The following ROBO2 variants were observed in gnomAD, a reference collection of about 807,000 sequenced individuals.
ROBO2 encodes the protein roundabout guidance receptor 2, also known as roundabout homolog 2.
ROBO2 carries 53 observed loss-of-function variants against 160.8 expected under a neutral mutation model. The observed-to-expected ratio is 0.33, with a 90% CI of 0.26 to 0.41. The LOEUF is 0.41. Among genes scored for constraint, ROBO2 ranks in the 10% least tolerant of loss-of-function variants. ROBO2 has a pLI of 1.00. For synonymous variants in ROBO2, 664 were observed against 611.7 expected, an observed-to-expected ratio of 1.09 and a Z score of -1.26; for missense variants, 1,577 against 1,722.4, an observed-to-expected ratio of 0.92 and a Z score of 1.49.
intron 2 of ROBO2, among the ~76,000 whole-genome samples, chr3:76,940,148 AT>A: frequency 6.6e-6 from 1 of 151,510 alleles, no homozygotes; most frequent in Admixed American, 6.6e-5. Context: ...CGCCCGGGTA[AT>A]TTTTTTGTAT....
chr3:76,414,772 A>C (rs985466380), intron 2 of ROBO2, among the ~76,000 whole-genome samples: 5 of 152,066 alleles, frequency 3.3e-5, no homozygotes, highest in African/African-American at 1.2e-4. Flanking sequence ...ATAATTTAAA[A>C]AAAAAAAGAA....
intron 2 of ROBO2, among the ~76,000 whole-genome samples, chr3:76,668,225 G>A (rs1291865149): frequency 6.6e-6 from 1 of 151,618 alleles, no homozygotes; most frequent in Admixed American, 6.6e-5. Context: ...TCAGCTTCTG[G>A]AGTAGCTGGG....
chr3:76,225,520 G>A (rs578099516), intron 2 of ROBO2, among the ~76,000 whole-genome samples: 34 of 152,230 alleles, frequency 2.2e-4, no homozygotes, highest in African/African-American at 6.5e-4. Flanking sequence ...TTCAAGACTA[G>A]TCTGGGCAAC....
At chr3:76,232,764 T>A (rs1704697185) in intron 2 of ROBO2, among the ~76,000 whole-genome samples, 1 of 152,182 alleles carries the variant, frequency 6.6e-6, no homozygotes. Context: ...TTCCTGTAAA[T>A]CCTACAAATT....
intron 2 of ROBO2, among the ~76,000 whole-genome samples, chr3:76,750,390 A>T (rs1433885579): frequency 6.6e-6 from 1 of 152,110 alleles, no homozygotes; most frequent in Non-Finnish European, 1.5e-5. Flanking sequence ...CTGGCACAAG[A>T]CAGGGATGCC....
intron 2 of ROBO2, among the ~76,000 whole-genome samples, chr3:77,252,831 A>AAAAAAAAAAAAAAAT: frequency 2.4e-4 from 3 of 12,518 alleles, no homozygotes; most frequent in African/African-American, 4.7e-4. Flanking sequence ...AAAAAAAAAA[A>AAAAAAAAAAAAAAAT]ATATATATAT....
intron 2 of ROBO2, among the ~76,000 whole-genome samples, chr3:76,840,991 G>A (rs2148468029): frequency 6.6e-6 from 1 of 152,174 alleles, no homozygotes; most frequent in Non-Finnish European, 1.5e-5. Context: ...GTGGTTAGAA[G>A]AAGGATCTGA....
At chr3:76,234,129 A>T (rs1171023176) in intron 2 of ROBO2, among the ~76,000 whole-genome samples, 1 of 152,162 alleles carries the variant, frequency 6.6e-6, no homozygotes, top group Admixed American at 6.5e-5. Flanking sequence ...AGCTCCATCT[A>T]TGTTGCTGCA....
intron 2 of ROBO2, among the ~76,000 whole-genome samples, chr3:76,599,796 A>T (rs1461209519): frequency 6.6e-6 from 1 of 152,086 alleles, no homozygotes; most frequent in Non-Finnish European, 1.5e-5. Context: ...TTCTCTAGTG[A>T]TCAGTGATGT....
chr3:77,016,294 G>A (rs567424336), intron 2 of ROBO2, among the ~76,000 whole-genome samples: 94 of 152,150 alleles, frequency 6.2e-4, no homozygotes, highest in Non-Finnish European at 9.9e-4. Flanking sequence ...TATTTTGTAC[G>A]ACTGAGTTTC....
At chr3:76,117,365 A>G (rs902628223) in intron 2 of ROBO2, among the ~76,000 whole-genome samples, 5 of 152,222 alleles carry the variant, frequency 3.3e-5, no homozygotes, top group African/African-American at 1.2e-4. Flanking sequence ...ACCTTAATCT[A>G]TTTGAGAATA....
At chr3:76,348,702 C>T (rs1239336591) in intron 2 of ROBO2, among the ~76,000 whole-genome samples, 1 of 152,086 alleles carries the variant, frequency 6.6e-6, no homozygotes, top group Non-Finnish European at 1.5e-5. Flanking sequence ...TTCTCCATCT[C>T]CCCTTCCTCC....
chr3:76,340,252 T>A (rs2074142831), intron 2 of ROBO2, among the ~76,000 whole-genome samples: 1 of 152,138 alleles, frequency 6.6e-6, no homozygotes, highest in Non-Finnish European at 1.5e-5. Flanking sequence ...ACAAAAAAAT[T>A]CATGCTGGCA....
chr3:76,816,042 T>C (rs1181383162), intron 2 of ROBO2, among the ~76,000 whole-genome samples: 2 of 152,148 alleles, frequency 1.3e-5, no homozygotes, highest in Non-Finnish European at 2.9e-5. Flanking sequence ...AAGACGGTTT[T>C]TTCTTAGAAA....
At chr3:77,387,179 C>A (rs2074215278) in intron 2 of ROBO2, among the ~76,000 whole-genome samples, 2 of 151,560 alleles carry the variant, frequency 1.3e-5, no homozygotes, top group South Asian at 2.1e-4. Flanking sequence ...CTGGGACTAT[C>A]ATGCCCCTGG....
At chr3:76,196,869 C>G (rs1702285088) in intron 2 of ROBO2, among the ~76,000 whole-genome samples, 1 of 152,116 alleles carries the variant, frequency 6.6e-6, no homozygotes, top group Non-Finnish European at 1.5e-5. Context: ...ACTATAAATG[C>G]TCACTAGGTA....
At chr3:77,308,472 A>G (rs1421689923) in intron 2 of ROBO2, among the ~76,000 whole-genome samples, 7 of 152,202 alleles carry the variant, frequency 4.6e-5, no homozygotes, top group African/African-American at 1.4e-4. Flanking sequence ...ACGTTGTGTC[A>G]GTGACGCTGG....
intron 2 of ROBO2, among the ~76,000 whole-genome samples, chr3:76,627,015 A>G (rs2089693582): frequency 6.6e-6 from 1 of 152,180 alleles, no homozygotes; most frequent in African/African-American, 2.4e-5. Context: ...TTAAGGGACA[A>G]TCTAATATGC....
chr3:77,111,936 G>A (rs1347025270), intron 2 of ROBO2, among the ~76,000 whole-genome samples: 2 of 152,078 alleles, frequency 1.3e-5, no homozygotes, highest in East Asian at 3.9e-4. Context: ...GATCAGCTGG[G>A]CGCGGTGGCT....
Sources: gnomAD v4.1 joint callset for allele counts (sites outside exome capture counted in the v4.1 genomes callset) on GRCh38, gnomAD v4.1.1 for gene constraint, MANE v1.5 for transcripts, NCBI Gene and HGNC (gene_info 2026-07-23, HGNC 2026-07-21) for gene names.